Variants in HMCN1 observed in about 807,000 individuals in gnomAD.
HMCN1 encodes the protein hemicentin 1.
HMCN1 carries 321 observed loss-of-function variants against 625.9 expected under a neutral mutation model. The ratio of observed to expected loss-of-function variants is 0.51; its 90% CI spans 0.47 to 0.56. The LOEUF (loss-of-function observed/expected upper bound fraction) is 0.56. Among genes scored for constraint, HMCN1 ranks in the 20% least tolerant of loss-of-function variants. The pLI, the probability that HMCN1 is intolerant of heterozygous loss-of-function variation, is 0.00. For missense variants in HMCN1, 6,588 were observed against 6,887.3 expected (o/e 0.96, Z 1.54); for synonymous variants, 2,425 against 2,417.6 (o/e 1.00, Z -0.09).
intron 1 of HMCN1, among the ~76,000 whole-genome samples, chr1:185,736,938 T>C (rs1023681176): frequency 2.0e-5 from 3 of 152,220 alleles, no homozygotes; most frequent in Admixed American, 6.5e-5. Context: ...TCTGTTTACA[T>C]TGTGATTCAA....
chr1:186,063,096 A>ATATATATATATATATATATGTATATG (rs1185102259), intron 48 of HMCN1, among the ~76,000 whole-genome samples: 4 of 115,404 alleles, frequency 3.5e-5, no homozygotes, highest in African/African-American at 1.5e-4. Context: ...ATATATATAT[A>ATATATATATATATATATATGTATATG]TATATATCAC....
At position 185,963,778 on chromosome 1, in the gene HMCN1, A is replaced by G; in HGVS notation, c.1981A>G (p.Thr661Ala). ...FIVGSHRYRM[T>A]SDGTLFIKNA... ...GTTTTTTATTCATAGGTATAGGATG[A>G]CCTCAGATGGTACCTTATTTATCAA... Residue 661 changes from threonine (T) to alanine (A), a missense_variant, in exon 13 of 107, where the codon ACC becomes GCC. By Grantham distance (58) the Thr-to-Ala change is moderately conservative. This residue lies in a region of HMCN1 where 4,628 missense variants were observed against 4,853.1 expected (regional missense o/e 0.95). Transcript: ENST00000271588. 6.2e-7 allele frequency: 1 copy of G among 1,602,458 alleles called. No homozygotes were observed. Among genetic ancestry groups the G allele is most frequent in the East Asian group, 2.2e-5 (1 of 44,690 alleles).
Position 186,081,259 on chromosome 1 carries a change from G to A in HMCN1, c.8652G>A (p.Val2884=). The A allele has an allele frequency of 6.2e-7, 1 of 1,613,680 alleles. No homozygotes were observed. Among genetic ancestry groups the A allele is most frequent in the African/African-American group, 1.3e-5 (1 of 75,008 alleles). ...ANSDLPEEVT[V]LVNKSALIEC... is the part of the protein sequence containing the mutation. ...GTGATCTCCCTGAAGAGGTCACCGT[G>A]CTGGTGAACAAGAGTGCACTGATAG... is the stretch of plus-strand genomic sequence containing the variant. Residue 2884 remains valine (V), a synonymous_variant, in exon 56 of 107, where the codon GTG becomes GTA. Coordinates refer to ENST00000271588, the MANE Select transcript of HMCN1 (RefSeq NM_031935.3).
chr1:185,918,375 A>C (rs1340267596), intron 6 of HMCN1, among the ~76,000 whole-genome samples: 1 of 152,212 alleles, frequency 6.6e-6, no homozygotes, highest in Non-Finnish European at 1.5e-5. Context: ...CAGAAGACTC[A>C]GCAAGCCAGC....
At chr1:185,748,182 T>C (rs1654556056) in intron 1 of HMCN1, among the ~76,000 whole-genome samples, 1 of 152,138 alleles carries the variant, frequency 6.6e-6, no homozygotes, top group Non-Finnish European at 1.5e-5. Flanking sequence ...GTTATGCTTT[T>C]TGTTTAGCTC....
chr1:185,880,613 C>A lies in HMCN1; in HGVS notation c.621+14750C>A, dbSNP rs78896378. 7.4e-3 allele frequency among the ~76,000 whole-genome samples: 1,133 copies of A among 152,268 alleles called. 7 individuals are homozygous for A. Among genetic ancestry groups the A allele is most frequent in the African/African-American group, 0.026 (1,083 of 41,550 alleles). On this transcript the variant is annotated intron_variant, in intron 4 of 106. Transcript: ENST00000271588. The stretch of plus-strand genomic sequence containing the variant: ...ATAACAATGCATTTGCTGTTCCAGG[C>A]TGTAAACTCCACAAGAGAAAGACCT...
intron 45 of HMCN1, 26 bp downstream of exon 45, chr1:186,055,700 C>T: frequency 1.2e-6 from 2 of 1,608,402 alleles, no homozygotes; most frequent in African/African-American, 1.3e-5. Context: ...CTCAATATGT[C>T]CATTCACTGG....
At chr1:185,872,377 A>G (rs1663672472) in intron 4 of HMCN1, among the ~76,000 whole-genome samples, 1 of 152,192 alleles carries the variant, frequency 6.6e-6, no homozygotes, top group South Asian at 2.1e-4. Context: ...TAGGTCAGGA[A>G]TATGCTTAAA....
intron 105 of HMCN1, 56 bp from the exon 106 acceptor site, chr1:186,187,827 G>A: frequency 6.2e-7 from 1 of 1,610,796 alleles, no homozygotes; most frequent in African/African-American, 1.3e-5. Flanking sequence ...TGCCTGCTCT[G>A]ATGGCCTTCT....
intron 2 of HMCN1, among the ~76,000 whole-genome samples, chr1:185,851,961 A>C (rs559396398): frequency 6.6e-6 from 1 of 152,100 alleles, no homozygotes; most frequent in East Asian, 1.9e-4. Context: ...TCTTTTAATA[A>C]AATTGACTTT....
chr1:185,953,137 G>T (rs995935419), intron 11 of HMCN1, among the ~76,000 whole-genome samples: 1 of 151,476 alleles, frequency 6.6e-6, no homozygotes, highest in African/African-American at 2.4e-5. Flanking sequence ...AGGAGAAGGG[G>T]TTGAGGGGTA....
chr1:186,088,622 G>C lies in HMCN1; in HGVS notation c.9594G>C (p.Leu3198=). Reference sequence around the variant, plus strand: ...TACCTCTAGAAAATTCTGACTCACTGGAAGTTCGTATTTTGTCTGGAGGTA... The same window carrying C: ...TACCTCTAGAAAATTCTGACTCACTCGAAGTTCGTATTTTGTCTGGAGGTA... The part of the protein sequence containing the change: ...NHKRIENSDS[L]EVRILSGGSK... The change falls in exon 63 of 107, where the codon CTG becomes CTC. Residue 3198 remains leucine (L), a synonymous_variant. Transcript: ENST00000271588. 1 of 1,611,690 alleles carries C rather than the reference G, an allele frequency of 6.2e-7. No individual in the cohort carries two copies. Among genetic ancestry groups the C allele is most frequent in the East Asian group, 2.2e-5 (1 of 44,750 alleles).
In HMCN1 at chr1:186,166,674, C is replaced by G. The variant is rs149935678; in HGVS notation, c.15440-134C>G. On this transcript the variant is annotated intron_variant, in intron 99 of 106. Coordinates refer to ENST00000271588, the MANE Select transcript of HMCN1 (RefSeq NM_031935.3). ...TTTAGCCCACCTGATGTGACTCAAC[C>G]AAAAACTTTAGTCCTTCTTGTTCTT... The G allele has an allele frequency of 3.9e-4, 501 of 1,288,500 alleles. 1 individual carries two copies. The African/African-American group carries it at 6.8e-3, about 17-fold the overall frequency. 79.8% of individuals were successfully genotyped at this position (1,288,500 alleles called of 1,614,324 possible). A position where few individuals can be genotyped will look rare whatever the true frequency, so the allele number is the denominator to read the frequency against.
In HMCN1 at chr1:186,189,839, A is replaced by T. The variant is rs1323130648; in HGVS notation, c.16869A>T (p.Thr5623=). Residue 5623 remains threonine (T), a synonymous_variant, in exon 107 of 107, where the codon ACA becomes ACT. Coordinates refer to ENST00000271588, the MANE Select transcript of HMCN1 (RefSeq NM_031935.3). ...SANGTIEYQT[T]FIVYIAVSAY... is the part of the protein sequence containing the mutation. ...ATGGGACCATTGAATATCAGACCAC[A>T]TTCATAGTTTATATAGCTGTGTCCG... is the stretch of plus-strand genomic sequence containing the variant. 4 of 1,613,826 alleles carry T rather than the reference A, an allele frequency of 2.5e-6. No homozygotes were observed. The highest frequency in any genetic ancestry group is 3.4e-6 in the Non-Finnish European group (4 of 1,179,838).
At chr1:185,789,969 C>G (rs1407030650) in intron 1 of HMCN1, among the ~76,000 whole-genome samples, 4 of 152,186 alleles carry the variant, frequency 2.6e-5, no homozygotes, top group African/African-American at 9.7e-5. Context: ...TTGTCAGAGC[C>G]TACCTTCCCA....
chr1:186,037,629 A>T (rs1453644080), intron 36 of HMCN1, among the ~76,000 whole-genome samples: 1 of 152,108 alleles, frequency 6.6e-6, no homozygotes, highest in Non-Finnish European at 1.5e-5. Flanking sequence ...TTACTTACCA[A>T]ATCAATCAGA....
chr1:185,809,471 A>C (rs1659375784), intron 1 of HMCN1, among the ~76,000 whole-genome samples: 1 of 151,800 alleles, frequency 6.6e-6, no homozygotes, highest in African/African-American at 2.4e-5. Flanking sequence ...ATGTATATAC[A>C]TGTGATTACA....
At chr1:185,941,263 A>G (rs1668066875) in intron 11 of HMCN1, among the ~76,000 whole-genome samples, 1 of 152,220 alleles carries the variant, frequency 6.6e-6, no homozygotes, top group South Asian at 2.1e-4. Context: ...TTCAGAATGG[A>G]TTACTTATAA....
At chr1:185,802,800 G>A (rs2102227656) in intron 1 of HMCN1, among the ~76,000 whole-genome samples, 1 of 152,254 alleles carries the variant, frequency 6.6e-6, no homozygotes, top group Admixed American at 6.5e-5. Flanking sequence ...TGAAGAAATA[G>A]TGATCACAGA....
Sources: gnomAD v4.1 joint callset for allele counts (sites outside exome capture counted in the v4.1 genomes callset) on GRCh38, gnomAD v4.1.1 for gene constraint, gnomAD v4.1.1 regional missense constraint, MANE v1.5 for transcripts, NCBI Gene and HGNC (gene_info 2026-07-23, HGNC 2026-07-21) for gene names.